The following NRK variants were observed in gnomAD, a reference collection of about 807,000 sequenced individuals.
The protein encoded by NRK is nik-related protein kinase.
Under a neutral mutation model 125.2 loss-of-function variants are expected in NRK, and 67 were observed. The observed-to-expected ratio is 0.54, with a 90% CI of 0.44 to 0.66. The LOEUF is 0.66. Ranked by LOEUF, NRK falls within the 30% of genes least tolerant of loss-of-function variation. The pLI is 0.00. For synonymous variants in NRK, 458 were observed against 429.0 expected (o/e 1.07, Z -0.84); for missense variants, 1,224 against 1,192.9 (o/e 1.03, Z -0.38).
At chrX:105,864,884 C>T (rs983039315) in intron 2 of NRK, among the ~76,000 whole-genome samples, 5 of 111,020 alleles carry the variant, frequency 4.5e-5, no homozygotes, top group Non-Finnish European at 9.4e-5. Flanking sequence ...CCCCTTTTCT[C>T]TTTTTATCCC....
In NRK at chrX:105,924,838, T is replaced by C. The variant is rs762539895; in HGVS notation, c.3119T>C (p.Ile1040Thr). 53 of 1,208,763 alleles carry C rather than the reference T, an allele frequency of 4.4e-5. No homozygotes were observed. The highest frequency in any genetic ancestry group is 5.4e-5 in the Non-Finnish European group (48 of 894,689). ...GSAASEDNAA[I>T]GDQEEHAANI... Reference sequence around the variant, plus strand: ...GCAGCCAGTGAGGACAATGCAGCCATTGGAGATCAGGAAGAACATGCAGCC... The same window carrying C: ...GCAGCCAGTGAGGACAATGCAGCCACTGGAGATCAGGAAGAACATGCAGCC... The change falls in exon 19 of 29, where the codon ATT (isoleucine) becomes ACT (threonine). Residue 1040 changes from isoleucine to threonine, a missense_variant. Ile to Thr is a moderately conservative substitution (Grantham distance 89). Coordinates refer to ENST00000243300, the MANE Select transcript of NRK (RefSeq NM_198465.4).
chrX:105,880,294 G>A, intron 3 of NRK, 39 bp downstream of exon 3: 1 of 633,649 alleles, frequency 1.6e-6, no homozygotes, highest in Non-Finnish European at 2.3e-6. Flanking sequence ...TCCCTTAGTG[G>A]ACTGTGTTCC....
chrX:105,886,081 A>G (rs1439583036), intron 4 of NRK, among the ~76,000 whole-genome samples: 1 of 110,112 alleles, frequency 9.1e-6, no homozygotes, highest in African/African-American at 3.3e-5. Flanking sequence ...TCTTGAAGCT[A>G]TATATTGTAC....
At chrX:105,851,676 C>T (rs2039473155) in intron 2 of NRK, among the ~76,000 whole-genome samples, 1 of 111,336 alleles carries the variant, frequency 9.0e-6, no homozygotes, top group Non-Finnish European at 1.9e-5. Flanking sequence ...AGTTTTGTAA[C>T]AAGGGTAGTG....
intron 2 of NRK, among the ~76,000 whole-genome samples, chrX:105,850,266 GGGACACA>G (rs763499770): frequency 5.4e-5 from 6 of 112,030 alleles, no homozygotes; most frequent in Non-Finnish European, 1.1e-4. Flanking sequence ...TGGAGCGGCT[GGGACACA>G]GGACACCAAG....
rs886792205 is a variant in NRK, at chrX:105,935,330, G to T, written c.3655+5G>T. 1 of 1,141,752 alleles carries T rather than the reference G, an allele frequency of 8.8e-7. No individual in the cohort carries two copies. The highest frequency in any genetic ancestry group is 1.8e-5 in the African/African-American group (1 of 54,671). The allele number at this position is 1,141,752 out of a possible 1,213,427, so 94.1% of individuals were successfully genotyped here. A position where few individuals can be genotyped will look rare whatever the true frequency, so the allele number is the denominator to read the frequency against. ...TCTGCTGTGGTTCTTTGTGGGGTGA[G>T]TTTGTTTTGTTTTCTTAAAGAATAT... On this transcript the variant is annotated splice_donor_5th_base_variant and intron_variant, in intron 21 of 28. Coordinates refer to ENST00000243300, the MANE Select transcript of NRK (RefSeq NM_198465.4).
chrX:105,822,960 C>A (rs926483371), intron 1 of NRK, 58 bp downstream of exon 1: 2 of 1,017,254 alleles, frequency 2.0e-6, no homozygotes, highest in South Asian at 4.4e-5. Flanking sequence ...GTTCTGCGTA[C>A]CAGAGGGAGG....
intron 22 of NRK, among the ~76,000 whole-genome samples, chrX:105,939,033 C>G (rs962092155): frequency 9.0e-6 from 1 of 111,366 alleles, no homozygotes; most frequent in African/African-American, 3.3e-5. Flanking sequence ...GGTTCAATTA[C>G]CTCCCACTGG....
chrX:105,875,232 C>A (rs2039798597), intron 2 of NRK, among the ~76,000 whole-genome samples: 1 of 111,562 alleles, frequency 9.0e-6, no homozygotes, highest in African/African-American at 3.3e-5. Flanking sequence ...AACTCTCCAT[C>A]CTCTTCCCCT....
chrX:105,857,796 A>G (rs1230310399), intron 2 of NRK, among the ~76,000 whole-genome samples: 1 of 112,007 alleles, frequency 8.9e-6, no homozygotes, highest in Non-Finnish European at 1.9e-5. Context: ...TTCTGTGTCT[A>G]TAATCAATAG....
intron 19 of NRK, 119 bp from the exon 20 acceptor site, chrX:105,934,139 A>T (rs751478584): frequency 2.5e-6 from 1 of 402,516 alleles, no homozygotes; most frequent in Non-Finnish European, 4.3e-6. Flanking sequence ...TGTGGATTTT[A>T]TAAGAATGTA....
chrX:105,826,796 T>C (rs1446305780), intron 1 of NRK, among the ~76,000 whole-genome samples: 1 of 111,134 alleles, frequency 9.0e-6, no homozygotes, highest in Non-Finnish European at 1.9e-5. Context: ...CAGTTTTACC[T>C]TCATTTCAGT....
At chrX:105,827,428 T>C (rs2039129895) in intron 1 of NRK, among the ~76,000 whole-genome samples, 1 of 111,852 alleles carries the variant, frequency 8.9e-6, no homozygotes, top group Non-Finnish European at 1.9e-5. Flanking sequence ...CTTTTTCTCC[T>C]TAGTCTCTGC....
intron 2 of NRK, among the ~76,000 whole-genome samples, chrX:105,839,345 A>G (rs905487004): frequency 9.0e-6 from 1 of 111,344 alleles, no homozygotes; most frequent in South Asian, 3.8e-4. Context: ...CTTAAAGCAC[A>G]TAGCACTATG....
chrX:105,836,289 AATAT>A (rs1045437117), intron 2 of NRK, among the ~76,000 whole-genome samples: 9 of 112,204 alleles, frequency 8.0e-5, no homozygotes, highest in African/African-American at 2.9e-4. Context: ...CTTCATGAAG[AATAT>A]ACCATATGCT....
chrX:105,823,997 ATG>A (rs1228787270), intron 1 of NRK, among the ~76,000 whole-genome samples: 6 of 112,307 alleles, frequency 5.3e-5, no homozygotes, highest in African/African-American at 1.9e-4. Flanking sequence ...CATTTAAAGA[ATG>A]TGTTTTTGAT....
intron 2 of NRK, among the ~76,000 whole-genome samples, chrX:105,875,829 C>T (rs927671919): frequency 1.4e-4 from 15 of 110,531 alleles, no homozygotes; most frequent in African/African-American, 4.6e-4. Flanking sequence ...TCCTCAAATA[C>T]GAAAGAGCCT....
intron 23 of NRK, 46 bp from the exon 24 acceptor site, chrX:105,943,895 C>T: frequency 1.6e-6 from 1 of 640,721 alleles, no homozygotes; most frequent in Non-Finnish European, 2.4e-6. Context: ...CTTGAGTGTT[C>T]TTGTTAACTG....
At position 105,909,040 on chromosome X, in the gene NRK, G is replaced by T; in HGVS notation, c.1399G>T (p.Ala467Ser). ...ASKPLQMQIK[A>S]PPRLRRAARV... ...TAAACCTCTACAAATGCAGATTAAG[G>T]CACCTCCACGACTACGGAGGGCAGC... The change falls in exon 13 of 29, where the codon GCA (alanine) becomes TCA (serine). Residue 467 changes from alanine (A) to serine (S), a missense_variant. Physicochemically the swap from Ala to Ser is moderately conservative, Grantham distance 99. Transcript: ENST00000243300. 1.7e-6 allele frequency: 2 copies of T among 1,210,635 alleles called. No individual in the cohort carries two copies. Among genetic ancestry groups the T allele is most frequent in the Non-Finnish European group, 2.2e-6 (2 of 894,939 alleles).
Sources: allele counts gnomAD v4.1 joint callset (sites outside exome capture counted in the v4.1 genomes callset), GRCh38; gene constraint gnomAD v4.1.1; transcripts MANE v1.5; gene names NCBI Gene and HGNC (gene_info 2026-07-23, HGNC 2026-07-21).